MTFMT: variants seen among roughly 807,000 people sequenced by gnomAD.
MTFMT encodes mitochondrial methionyl-tRNA formyltransferase, also known as methionyl-tRNA formyltransferase, mitochondrial.
In MTFMT, 47 loss-of-function variants were observed where a neutral mutation model predicts 51.8. The ratio of observed to expected loss-of-function variants is 0.91; its 90% CI spans 0.72 to 1.16. MTFMT has a LOEUF of 1.16. MTFMT is among the 50% of genes most tolerant of loss of function. The probability of loss-of-function intolerance (pLI) is 0.00; values close to 1 mark genes in which losing one functional copy is unlikely to be tolerated. For synonymous variants in MTFMT, 196 were observed against 176.7 expected (o/e 1.11, Z -0.87); for missense variants, 512 against 482.3 (o/e 1.06, Z -0.58).
intron 5 of MTFMT, among the ~76,000 whole-genome samples, chr15:65,016,737 G>T (rs2086325738): frequency 6.6e-6 from 1 of 151,496 alleles, no homozygotes; most frequent in African/African-American, 2.4e-5. Flanking sequence ...TTTACATCCT[G>T]GGAGTAGAAA....
Position 65,006,252 on chromosome 15 carries a change from AACT to A in MTFMT, c.814-64_814-62del, listed in dbSNP as rs972122070. 5 of 1,327,464 alleles carry A rather than the reference AACT, an allele frequency of 3.8e-6. No homozygotes were observed. The African/African-American group carries it at 5.8e-5, about 15-fold the overall frequency. 82.2% of individuals were successfully genotyped at this position (1,327,464 alleles called of 1,614,324 possible). The stretch of plus-strand genomic sequence containing the variant: ...TACACTCAACTCCCAAACCCTTTTC[AACT>A]ACTATTTTGTGTTAATCTGGACTTT... On this transcript the variant is annotated intron_variant, in intron 6 of 8. Coordinates refer to ENST00000220058, the MANE Select transcript of MTFMT (RefSeq NM_139242.4).
At chr15:65,025,252 AG>A (rs2086412243) in intron 2 of MTFMT, among the ~76,000 whole-genome samples, 3 of 147,820 alleles carry the variant, frequency 2.0e-5, no homozygotes, top group South Asian at 4.4e-4. Flanking sequence ...AAAAAAAAAA[AG>A]AGTTAGCTGG....
rs576941321 is a variant in MTFMT, at chr15:65,001,997, G to C, written c.*1065C>G. ...AATCTAGCTGGTAGTGAAATGTAAA[G>C]AGCTGGATTTACTACTTATAGGAAA... On this transcript the variant is annotated 3_prime_UTR_variant, in exon 9 of 9. Coordinates refer to ENST00000220058, the MANE Select transcript of MTFMT (RefSeq NM_139242.4). 1 of 152,260 alleles carries C rather than the reference G, an allele frequency of 6.6e-6. No individual in the cohort carries two copies. The highest frequency in any genetic ancestry group is 6.5e-5 in the Admixed American group (1 of 15,300). The allele number at this position is 152,260 out of a possible 1,614,324, so 9.4% of individuals were successfully genotyped here.
rs184136569 is a variant in MTFMT, at chr15:65,010,693, A to G, written c.814-4502T>C. Among the ~76,000 whole-genome samples the G allele has an allele frequency of 3.7e-3, 568 of 152,304 alleles. 1 individual carries two copies. Among genetic ancestry groups the G allele is most frequent in the South Asian group, 8.1e-3 (39 of 4,828 alleles). ...GGGTACACATTTTTGTGTGAGCACAATGTTTCCAATTCTCTTGAGTATAAA... is the reference window on the plus strand; with the variant it reads ...GGGTACACATTTTTGTGTGAGCACAGTGTTTCCAATTCTCTTGAGTATAAA... On this transcript the variant is annotated intron_variant, in intron 6 of 8. Transcript: ENST00000220058.
At chr15:65,011,485 CTTTT>C (rs536213292) in intron 6 of MTFMT, among the ~76,000 whole-genome samples, 2 of 74,076 alleles carry the variant, frequency 2.7e-5, no homozygotes, top group African/African-American at 1.3e-4. Context: ...TGTAAGCTGT[CTTTT>C]TTTTTTTTTT....
chr15:65,003,235 A>C lies in MTFMT; in HGVS notation c.997T>G (p.Ser333Ala). Residue 333 changes from serine (S) to alanine (A), a missense_variant, in exon 9 of 9, where the codon TCA (serine) becomes GCA (alanine). By Grantham distance (99) the Ser-to-Ala change is moderately conservative. Coordinates refer to ENST00000220058, the MANE Select transcript of MTFMT (RefSeq NM_139242.4). ...YCKDGWIGVR[S>A]VMLKKSLTAT... Reference sequence around the variant, plus strand: ...GTTAGTGATTTCTTGAGCATCACTGATCGAACACCAATCCAACCATCCTAA... The same window carrying C: ...GTTAGTGATTTCTTGAGCATCACTGCTCGAACACCAATCCAACCATCCTAA... The C allele has an allele frequency of 4.3e-6, 7 of 1,613,272 alleles. No individual in the cohort carries two copies. Among genetic ancestry groups the C allele is most frequent in the East Asian group, 4.5e-5 (2 of 44,862 alleles).
At chr15:65,027,777 G>T (rs984028042) in intron 1 of MTFMT, among the ~76,000 whole-genome samples, 10 of 152,132 alleles carry the variant, frequency 6.6e-5, no homozygotes, top group African/African-American at 2.4e-4. Flanking sequence ...TGAAAACAGT[G>T]GCTGTCTCTG....
At chr15:65,021,678 T>G in intron 3 of MTFMT, 62 bp from the exon 4 acceptor site, 1 of 1,314,776 alleles carries the variant, frequency 7.6e-7, no homozygotes, top group Non-Finnish European at 1.1e-6. Flanking sequence ...AATGTTTGTC[T>G]ACACACAAAA....
chr15:65,023,373 A>AAAATC (rs1360623421), intron 3 of MTFMT, among the ~76,000 whole-genome samples: 1 of 152,218 alleles, frequency 6.6e-6, no homozygotes, highest in Non-Finnish European at 1.5e-5. Context: ...TTAACATACA[A>AAAATC]AAATCCATCT....
chr15:65,021,307 A>T (rs2086372508), intron 4 of MTFMT, among the ~76,000 whole-genome samples: 1 of 152,260 alleles, frequency 6.6e-6, no homozygotes, highest in Non-Finnish European at 1.5e-5. Flanking sequence ...TTCACTTGAA[A>T]GCCTTTATTC....
rs1050450261 is a variant in MTFMT at position 65,029,592 on chromosome 15, A to G, written c.22T>C (p.Cys8Arg). The change falls in exon 1 of 9, where the codon TGT (cysteine) becomes CGT (arginine). Residue 8 changes from cysteine (C) to arginine (R), a missense_variant. Physicochemically the swap from Cys to Arg is radical, Grantham distance 180 (BLOSUM62 -3). Coordinates refer to ENST00000220058, the MANE Select transcript of MTFMT (RefSeq NM_139242.4). MRVLVRR[C>R]WGPPLAHGAR... Reference sequence around the variant, plus strand: ...CCATGAGCCAGCGGAGGACCCCAACAGCGCCGCACCAACACCCTCATCGCC... The same window carrying G: ...CCATGAGCCAGCGGAGGACCCCAACGGCGCCGCACCAACACCCTCATCGCC... 3.6e-6 allele frequency: 5 copies of G among 1,393,284 alleles called. No individual in the cohort carries two copies. The highest frequency in any genetic ancestry group is 4.7e-6 in the Non-Finnish European group (5 of 1,063,606). 86.3% of individuals were successfully genotyped at this position (1,393,284 alleles called of 1,614,324 possible).
chr15:65,022,377 T>C (rs2086381533), intron 3 of MTFMT, among the ~76,000 whole-genome samples: 2 of 151,382 alleles, frequency 1.3e-5, no homozygotes, highest in Admixed American at 6.6e-5. Flanking sequence ...CGCTTGAACC[T>C]GGGAAGCAGA....
At chr15:65,007,731 T>A (rs1208192838) in intron 6 of MTFMT, among the ~76,000 whole-genome samples, 2 of 152,238 alleles carry the variant, frequency 1.3e-5, no homozygotes, top group Admixed American at 1.3e-4. Flanking sequence ...CACTTTTAAT[T>A]TATTTATCTG....
intron 7 of MTFMT, 53 bp from the exon 8 acceptor site, chr15:65,004,989 C>A: frequency 8.3e-7 from 1 of 1,199,812 alleles, no homozygotes; most frequent in Non-Finnish European, 1.2e-6. Flanking sequence ...AATTATGCAA[C>A]TTCATAGTAC....
At chr15:65,011,276 C>T (rs909031186) in intron 6 of MTFMT, among the ~76,000 whole-genome samples, 15 of 151,950 alleles carry the variant, frequency 9.9e-5, no homozygotes, top group African/African-American at 2.7e-4. Context: ...GAGCCAAGGT[C>T]GCACCATTGC....
chr15:65,003,100 GCTT>G lies in MTFMT; in HGVS notation c.1129_1131del (p.Lys377del), dbSNP rs769122836. The G allele has an allele frequency of 3.4e-5, 55 of 1,600,622 alleles. No homozygotes were observed. The highest frequency in any genetic ancestry group is 2.0e-4 in the East Asian group (9 of 44,674). The stretch of plus-strand genomic sequence containing the variant: ...TGTTGCATAGCAACAGTTTTTTTCT[GCTT>G]CTTCTTTGTTGGAAGTCTGAGAGTC... On this transcript the variant is annotated inframe_deletion, in exon 9 of 9. Transcript: ENST00000220058.
chr15:65,017,424 T>C (rs2086332900), intron 5 of MTFMT, among the ~76,000 whole-genome samples: 2 of 152,226 alleles, frequency 1.3e-5, no homozygotes, highest in Non-Finnish European at 2.9e-5. Flanking sequence ...CTTACTATTA[T>C]TTGAAATAGC....
intron 1 of MTFMT, among the ~76,000 whole-genome samples, chr15:65,027,934 C>G (rs76719785): frequency 0.011 from 1,702 of 152,338 alleles, 14 homozygotes; most frequent in African/African-American, 0.026. Context: ...CATAACATGG[C>G]TATCATTCCA....
intron 1 of MTFMT, among the ~76,000 whole-genome samples, chr15:65,027,800 G>A (rs952869349): frequency 5.3e-5 from 8 of 152,146 alleles, no homozygotes; most frequent in African/African-American, 1.2e-4. Context: ...TAAAGGAACT[G>A]GGAACTGCTA....
Sources: gnomAD v4.1 joint callset for allele counts (sites outside exome capture counted in the v4.1 genomes callset) on GRCh38, gnomAD v4.1.1 for gene constraint, MANE v1.5 for transcripts, NCBI Gene and HGNC (gene_info 2026-07-23, HGNC 2026-07-21) for gene names.